Variants in MSANTD3 observed in about 807,000 individuals in gnomAD.
The protein encoded by MSANTD3 is Myb/SANT DNA binding domain containing 3.
MSANTD3 carries 11 observed loss-of-function variants against 27.7 expected under a neutral mutation model. The ratio of observed to expected loss-of-function variants is 0.40; its 90% confidence interval spans 0.25 to 0.66. MSANTD3 has a LOEUF of 0.66. Ranked by LOEUF, MSANTD3 falls within the 30% of genes least tolerant of loss-of-function variation. The pLI is 0.41. For missense variants in MSANTD3, 250 were observed against 336.5 expected, an observed-to-expected ratio of 0.74 and a Z score of 2.01; for synonymous variants, 131 against 127.2, an observed-to-expected ratio of 1.03 and a Z score of -0.20.
At chr9:100,433,094 C>T (rs1357161562) in intron 1 of MSANTD3, among the ~76,000 whole-genome samples, 1 of 152,042 alleles carries the variant, frequency 6.6e-6, no homozygotes, top group Non-Finnish European at 1.5e-5. Context: ...GCAAAAAGGG[C>T]ATCTTGATGG....
At chr9:100,437,085 G>T (rs888344356) in intron 1 of MSANTD3, among the ~76,000 whole-genome samples, 1 of 152,170 alleles carries the variant, frequency 6.6e-6, no homozygotes, top group Non-Finnish European at 1.5e-5. Flanking sequence ...GATTACAGGT[G>T]TGAACCACCA....
intron 2 of MSANTD3, among the ~76,000 whole-genome samples, chr9:100,447,955 C>T (rs2118125687): frequency 6.6e-6 from 1 of 152,114 alleles, no homozygotes; most frequent in East Asian, 1.9e-4. Context: ...TTCTGGGAGG[C>T]CAAGGCGGGC....
chr9:100,441,639 C>CA (rs556618103), intron 1 of MSANTD3, among the ~76,000 whole-genome samples: 3,929 of 148,480 alleles, frequency 0.026, 151 homozygotes, highest in African/African-American at 0.091. Flanking sequence ...GACTCCGTTT[C>CA]AAAAAAAAAA....
chr9:100,439,710 G>A (rs1481403342), intron 1 of MSANTD3, among the ~76,000 whole-genome samples: 3 of 149,854 alleles, frequency 2.0e-5, no homozygotes, highest in African/African-American at 4.9e-5. Context: ...TAGTAGAGAC[G>A]GGGTTTCACT....
intron 2 of MSANTD3, among the ~76,000 whole-genome samples, chr9:100,449,514 T>C (rs553200793): frequency 2.0e-5 from 3 of 151,326 alleles, no homozygotes; most frequent in African/African-American, 7.3e-5. Flanking sequence ...TGAGTAGGAG[T>C]TGGGGTGAGG....
At chr9:100,427,489 G>A (rs1836272419) in intron 1 of MSANTD3, 96 bp downstream of exon 1, 1 of 150,850 alleles carries the variant, frequency 6.6e-6, no homozygotes, top group Non-Finnish European at 1.5e-5. Context: ...CGGCATGGAG[G>A]GTTTTCGGGC....
chr9:100,443,461 G>C (rs941086372), intron 2 of MSANTD3, among the ~76,000 whole-genome samples: 1 of 151,250 alleles, frequency 6.6e-6, no homozygotes, highest in Non-Finnish European at 1.5e-5. Context: ...TATGATAAAC[G>C]CCTGTTTTAG....
At chr9:100,429,087 T>A (rs1362019624) in intron 1 of MSANTD3, among the ~76,000 whole-genome samples, 1 of 152,106 alleles carries the variant, frequency 6.6e-6, no homozygotes, top group African/African-American at 2.4e-5. Flanking sequence ...TGTTAACGTA[T>A]TGTGGAAGAT....
At chr9:100,449,534 C>T (rs754276820) in intron 2 of MSANTD3, among the ~76,000 whole-genome samples, 12 of 151,902 alleles carry the variant, frequency 7.9e-5, no homozygotes, top group South Asian at 2.1e-4. Flanking sequence ...GTTAAAAAAG[C>T]GAGACTACAG....
Position 100,451,286 on chromosome 9 carries a change from CTA to C in MSANTD3, c.*323_*324del, listed in dbSNP as rs549111332. 1.9e-3 allele frequency: 429 copies of C among 227,560 alleles called. 4 individuals are homozygous for C. The highest frequency in any genetic ancestry group is 2.4e-3 in the Non-Finnish European group (289 of 118,930). 14.1% of individuals were successfully genotyped at this position (227,560 alleles called of 1,614,324 possible). On this transcript the variant is annotated 3_prime_UTR_variant, in exon 3 of 3. Transcript: ENST00000395067. ...TTTTTTTAATCAAATGCAAGTGTGA[CTA>C]TAAAGGAGTGTGGCTGATTTTTTTT...
intron 1 of MSANTD3, among the ~76,000 whole-genome samples, chr9:100,429,179 A>G (rs11790432): frequency 0.032 from 4,828 of 152,304 alleles, 98 homozygotes; most frequent in Middle Eastern, 0.037. Flanking sequence ...GTTTTTAACC[A>G]GGCATTGAAG....
In MSANTD3 at chr9:100,448,896, G is replaced by A. The variant is rs556761745; in HGVS notation, c.419-1661G>A. 1.5e-5 allele frequency: 15 copies of A among 983,392 alleles called. No individual in the cohort carries two copies. In the East Asian group the frequency reaches 9.1e-4, roughly 60 times the overall value. The allele number at this position is 983,392 out of a possible 1,614,324, so 60.9% of individuals were successfully genotyped here. A position where few individuals can be genotyped will look rare whatever the true frequency, so the allele number is the denominator to read the frequency against. ...TAAGATTTTTACCTTTTCTTTAATC[G>A]TAATTAGGGACTAGTTATGATTGTT... On this transcript the variant is annotated intron_variant, in intron 2 of 2. Coordinates refer to ENST00000395067, the MANE Select transcript of MSANTD3 (RefSeq NM_080655.3).
chr9:100,442,295 C>T lies in MSANTD3; in HGVS notation c.357C>T (p.Leu119=), dbSNP rs35438121. ...TCGCCAGCATGCTGCCGGAGCAGCT[C>T]TACTTCCTGCAGAGCCCCCCGGAGG... The part of the protein sequence containing the change: ...EKIASMLPEQ[L]YFLQSPPEEE... Residue 119 remains leucine, a synonymous_variant, in exon 2 of 3, where the codon CTC becomes CTT. Transcript: ENST00000395067. 1.2e-5 allele frequency: 20 copies of T among 1,613,920 alleles called. No individual in the cohort carries two copies. Among genetic ancestry groups the T allele is most frequent in the Non-Finnish European group, 1.6e-5 (19 of 1,180,020 alleles).
intron 1 of MSANTD3, chr9:100,429,598 G>A (rs1836321933): frequency 1.3e-5 from 2 of 152,212 alleles, no homozygotes; most frequent in Admixed American, 6.5e-5. Context: ...AACTGTCAGT[G>A]AGCTCATAGA....
chr9:100,439,909 G>A (rs1231325431), intron 1 of MSANTD3, among the ~76,000 whole-genome samples: 4 of 152,174 alleles, frequency 2.6e-5, no homozygotes, highest in African/African-American at 9.6e-5. Flanking sequence ...GAAATCAGAG[G>A]CTTGGAGAAT....
At position 100,442,195 on chromosome 9, in the gene MSANTD3, C is replaced by A; in HGVS notation, c.257C>A (p.Ala86Asp). 3 of 1,614,002 alleles carry A rather than the reference C, an allele frequency of 1.9e-6. No individual in the cohort carries two copies. The highest frequency in any genetic ancestry group is 2.5e-6 in the Non-Finnish European group (3 of 1,180,014). ...NIKARTKKIMAHERREKVKRS... is the reference protein window; with the variant it reads ...NIKARTKKIMDHERREKVKRS... ...AAGGCTCGGACCAAAAAAATTATGG[C>A]CCATGAAAGGAGAGAGAAAGTGAAA... The change falls in exon 2 of 3, where the codon GCC becomes GAC. Residue 86 changes from alanine (A) to aspartate (D), a missense_variant. Physicochemically the swap from Ala to Asp is moderately radical, Grantham distance 126 (BLOSUM62 -2). Coordinates refer to ENST00000395067, the MANE Select transcript of MSANTD3 (RefSeq NM_080655.3).
chr9:100,430,218 A>G (rs998695602), intron 1 of MSANTD3, among the ~76,000 whole-genome samples: 2 of 151,792 alleles, frequency 1.3e-5, no homozygotes, highest in African/African-American at 4.8e-5. Context: ...TAATTGAGGA[A>G]GGCTTAACAA....
Position 100,441,907 on chromosome 9 carries a change from A to C in MSANTD3, c.-32A>C. 1 of 1,560,616 alleles carries C rather than the reference A, an allele frequency of 6.4e-7. No individual in the cohort carries two copies. The highest frequency in any genetic ancestry group is 8.7e-7 in the Non-Finnish European group (1 of 1,153,554). On this transcript the variant is annotated splice_region_variant and 5_prime_UTR_variant, in exon 2 of 3. Coordinates refer to ENST00000395067, the MANE Select transcript of MSANTD3 (RefSeq NM_080655.3). ...ATTGCTTCAAACTTCCTTTTACAGG[A>C]TAGCTAGCGGCCAGGAGAAATACAG...
chr9:100,428,380 T>G (rs1412030218), intron 1 of MSANTD3, among the ~76,000 whole-genome samples: 3 of 152,122 alleles, frequency 2.0e-5, no homozygotes, highest in Non-Finnish European at 2.9e-5. Context: ...TTGCTGAATA[T>G]TAATTAAAAA....
Sources: gnomAD v4.1 joint callset for allele counts (sites outside exome capture counted in the v4.1 genomes callset) on GRCh38, gnomAD v4.1.1 for gene constraint, MANE v1.5 for transcripts, NCBI Gene and HGNC (gene_info 2026-07-23, HGNC 2026-07-21) for gene names.